The following NPAS1 variants were observed in gnomAD, a reference collection of about 807,000 sequenced individuals.
NPAS1 encodes neuronal PAS domain-containing protein 1.
In NPAS1, 29 loss-of-function variants were observed where a neutral mutation model predicts 49.2. That is an observed-to-expected ratio of 0.59 (90% CI 0.44 to 0.80). The LOEUF (loss-of-function observed/expected upper bound fraction) is 0.80, where lower values mean the gene tolerates loss of function less well. Ranked by LOEUF, NPAS1 falls within the 30% of genes least tolerant of loss-of-function variation. The pLI, the probability that NPAS1 is intolerant of heterozygous loss-of-function variation, is 0.00. For missense variants in NPAS1, 825 were observed against 835.5 expected (o/e 0.99, Z 0.15); for synonymous variants, 408 against 380.4 (o/e 1.07, Z -0.84).
At chr19:47,027,632 CT>C (rs1401223382) in intron 3 of NPAS1, among the ~76,000 whole-genome samples, 25 of 64,604 alleles carry the variant, frequency 3.9e-4, no homozygotes, top group African/African-American at 1.4e-3. Flanking sequence ...CTCTCTGCCC[CT>C]GGTCTCCCGT....
intron 10 of NPAS1, among the ~76,000 whole-genome samples, chr19:47,042,288 AAC>A (rs751443355): frequency 9.2e-5 from 14 of 152,016 alleles, no homozygotes; most frequent in Non-Finnish European, 1.8e-4. Flanking sequence ...CAGCCTGGGC[AAC>A]ACAGTGAGAC....
In NPAS1 at chr19:47,039,096, G is replaced by T; in HGVS notation, c.749G>T (p.Arg250Leu). 6.2e-7 allele frequency: 1 copy of T among 1,613,792 alleles called. No homozygotes were observed. Among genetic ancestry groups the T allele is most frequent in the Non-Finnish European group, 8.5e-7 (1 of 1,179,860 alleles). The change falls in exon 7 of 12, where the codon CGC (arginine) becomes CTC (leucine). Residue 250 changes from arginine to leucine, a missense_variant. Coordinates refer to ENST00000602212, the MANE Select transcript of NPAS1 (RefSeq NM_002517.4). ...GTCCAGGAGCGCTCCTTCTTTGTCCGCATGAAATCCACGCTCACCAAGAGG... is the reference window on the plus strand; with the variant it reads ...GTCCAGGAGCGCTCCTTCTTTGTCCTCATGAAATCCACGCTCACCAAGAGG... ...SLVQERSFFV[R>L]MKSTLTKRGL...
chr19:47,045,147 A>AG, intron 11 of NPAS1, 44 bp from the exon 12 acceptor site: 1 of 1,578,504 alleles, frequency 6.3e-7, no homozygotes, highest in Non-Finnish European at 8.6e-7. Flanking sequence ...GGGAAGACTG[A>AG]GGGCTGGGGA....
At position 47,021,826 on chromosome 19, in the gene NPAS1, G is replaced by T; in HGVS notation, c.337G>T (p.Ala113Ser). 2 of 1,508,890 alleles carry T rather than the reference G, an allele frequency of 1.3e-6. No individual in the cohort carries two copies. The highest frequency in any genetic ancestry group is 8.8e-7 in the Non-Finnish European group (1 of 1,132,924). The allele number at this position is 1,508,890 out of a possible 1,614,324, so 93.5% of individuals were successfully genotyped here. ...LGAPPWGLRAAGPPAGLAPGR... is the reference protein window; with the variant it reads ...LGAPPWGLRASGPPAGLAPGR... ...GGCGCCGCCCTGGGGGCTGAGAGCC[G>T]CGGGGCCGCCAGCTGGCCTCGGTGA... The change falls in exon 3 of 12, where the codon GCG (alanine) becomes TCG (serine). Residue 113 changes from alanine to serine, a missense_variant. Physicochemically the swap from Ala to Ser is moderately conservative, Grantham distance 99 (BLOSUM62 1). Transcript: ENST00000602212. This position sits in a 1 kb window ranked among gnomAD's most constrained non-coding sequence, Gnocchi z 5.7.
chr19:47,040,869 G>T, intron 9 of NPAS1, 109 bp from the exon 10 acceptor site: 1 of 914,108 alleles, frequency 1.1e-6, no homozygotes, highest in Non-Finnish European at 1.6e-6. Flanking sequence ...CCGTCTCCCT[G>T]CCCACTCCCC....
At chr19:47,022,027 T>C (rs2056845594) in intron 3 of NPAS1, among the ~76,000 whole-genome samples, 180 bp downstream of exon 3, 1 of 152,158 alleles carries the variant, frequency 6.6e-6, no homozygotes, top group Non-Finnish European at 1.5e-5. Flanking sequence ...AACTGTCAAA[T>C]GGGCGCAAGA....
At position 47,032,287 on chromosome 19, in the gene NPAS1, G is replaced by A. The variant is rs763357807; in HGVS notation, c.368G>A (p.Arg123His). 1.1e-5 allele frequency: 18 copies of A among 1,613,762 alleles called. No homozygotes were observed. Among genetic ancestry groups the A allele is most frequent in the Admixed American group, 5.0e-5 (3 of 59,978 alleles). Residue 123 changes from arginine to histidine, a missense_variant, in exon 4 of 12, where the codon CGC (arginine) becomes CAC (histidine). Transcript: ENST00000602212. Reference protein sequence around the residue: ...AGPPAGLAPGRRGPAALVSEV... With the variant: ...AGPPAGLAPGHRGPAALVSEV... ...CTTCCATCTGCCCCAGCCCCAGGCC[G>A]CCGCGGCCCCGCAGCGCTGGTCTCC...
In NPAS1 at chr19:47,021,517, C is replaced by G; in HGVS notation, c.123-95C>G. On this transcript the variant is annotated intron_variant, in intron 2 of 11. Transcript: ENST00000602212. The surrounding 1 kb of genome is among the most constrained non-coding windows in gnomAD (Gnocchi z 5.7). ...GGAATCCACTCCCAACGTCCCGTCCCGTTCCCAAGGCCCCGGGAGGCGGGG... is the reference window on the plus strand; with the variant it reads ...GGAATCCACTCCCAACGTCCCGTCCGGTTCCCAAGGCCCCGGGAGGCGGGG... 7.2e-6 allele frequency: 6 copies of G among 832,730 alleles called. No homozygotes were observed. In the South Asian group the frequency reaches 9.8e-5, roughly 14 times the overall value. The allele number at this position is 832,730 out of a possible 1,614,324, so 51.6% of individuals were successfully genotyped here. A position where few individuals can be genotyped will look rare whatever the true frequency, so the allele number is the denominator to read the frequency against.
At chr19:47,037,338 CAAAAAAAAAA>C (rs869125845) in intron 6 of NPAS1, among the ~76,000 whole-genome samples, 6 of 51,790 alleles carry the variant, frequency 1.2e-4, no homozygotes, top group East Asian at 8.5e-4. Context: ...ACTCCGTCTC[CAAAAAAAAAA>C]AAAAAAAAAA....
chr19:47,038,718 T>C (rs987242743), intron 6 of NPAS1, among the ~76,000 whole-genome samples: 4 of 152,048 alleles, frequency 2.6e-5, no homozygotes, highest in Non-Finnish European at 2.9e-5. Context: ...TCCCAGCTAC[T>C]TGGGAGGCTG....
At chr19:47,041,167 C>G (rs765599686) in intron 10 of NPAS1, 42 bp downstream of exon 10, 2 of 1,484,914 alleles carry the variant, frequency 1.3e-6, no homozygotes, top group East Asian at 5.0e-5. Context: ...ACTCAGGGCC[C>G]TGCTGTCTCT....
At chr19:47,027,366 C>T (rs2056878353) in intron 3 of NPAS1, among the ~76,000 whole-genome samples, 1 of 142,210 alleles carries the variant, frequency 7.0e-6, no homozygotes, top group African/African-American at 2.6e-5. Flanking sequence ...CTCTCTGCCC[C>T]AGGTCCCCCC....
Position 47,032,347 on chromosome 19 carries a change from T to C in NPAS1, c.428T>C (p.Leu143Ser). The C allele has an allele frequency of 1.2e-6, 2 of 1,614,020 alleles. No individual in the cohort carries two copies. The highest frequency in any genetic ancestry group is 1.7e-6 in the Non-Finnish European group (2 of 1,179,968). The change falls in exon 4 of 12, where the codon TTG becomes TCG. Residue 143 changes from leucine (L) to serine (S), a missense_variant. Leu to Ser is a moderately radical substitution (Grantham distance 145). Transcript: ENST00000602212. ...VFEQHLGGHI[L>S]QSLDGFVFAL... ...GAGCAGCACCTGGGAGGTCACATCT[T>C]GCAGGTGAGTGAGGCCCCTTCCCTG...
intron 5 of NPAS1, among the ~76,000 whole-genome samples, 194 bp downstream of exon 5, chr19:47,032,926 A>G (rs1245433865): frequency 1.3e-5 from 2 of 152,032 alleles, no homozygotes; most frequent in Non-Finnish European, 2.9e-5. Context: ...GAGGAGGGCT[A>G]TTGTTTTTTG....
At position 47,036,143 on chromosome 19, in the gene NPAS1, C is replaced by T; in HGVS notation, c.688+14C>T. The T allele has an allele frequency of 6.4e-7, 1 of 1,551,996 alleles. No homozygotes were observed. The highest frequency in any genetic ancestry group is 8.7e-7 in the Non-Finnish European group (1 of 1,148,042). ...CCCCCGAGATCGGTAATTCTAAGGG[C>T]TCCTAAAGAATGAAGTCTGAGGGTA... is the stretch of plus-strand genomic sequence containing the variant. On this transcript the variant is annotated intron_variant, in intron 6 of 11. Coordinates refer to ENST00000602212, the MANE Select transcript of NPAS1 (RefSeq NM_002517.4).
Position 47,044,274 on chromosome 19 carries a change from C to T in NPAS1, c.1313-917C>T, listed in dbSNP as rs555739003. On this transcript the variant is annotated intron_variant, in intron 11 of 11. Coordinates refer to ENST00000602212, the MANE Select transcript of NPAS1 (RefSeq NM_002517.4). Reference sequence around the variant, plus strand: ...TTTTAGTAGAGACAGTGTTTTGCCACGTTGGCCAGGCTGGTCTCGAACTCC... The same window carrying T: ...TTTTAGTAGAGACAGTGTTTTGCCATGTTGGCCAGGCTGGTCTCGAACTCC... Among the ~76,000 whole-genome samples the T allele has an allele frequency of 1.8e-4, 27 of 152,250 alleles. No individual in the cohort carries two copies. The South Asian group carries it at 5.4e-3, about 30-fold the overall frequency.
intron 10 of NPAS1, among the ~76,000 whole-genome samples, chr19:47,041,919 G>A (rs892048198): frequency 6.6e-6 from 1 of 150,744 alleles, no homozygotes; most frequent in African/African-American, 2.5e-5. Flanking sequence ...GGTCGAGGCT[G>A]CAGTGAGCCG....
chr19:47,035,816 T>G, intron 5 of NPAS1, 148 bp from the exon 6 acceptor site: 1 of 755,334 alleles, frequency 1.3e-6, no homozygotes, highest in Non-Finnish European at 2.1e-6. Flanking sequence ...AAGGTAATTG[T>G]TTTTTGTTTT....
At chr19:47,043,940 C>G (rs943302717) in intron 11 of NPAS1, among the ~76,000 whole-genome samples, 8 of 151,980 alleles carry the variant, frequency 5.3e-5, no homozygotes, top group African/African-American at 1.9e-4. Context: ...ATGGTTCACA[C>G]CCATAGTCCC....
Sources: allele counts gnomAD v4.1 joint callset (sites outside exome capture counted in the v4.1 genomes callset), GRCh38; gene constraint gnomAD v4.1.1; non-coding constraint Gnocchi (gnomAD v3.1); transcripts MANE v1.5; gene names NCBI Gene and HGNC (gene_info 2026-07-23, HGNC 2026-07-21).